The following ZNF860 variants were observed in gnomAD, a reference collection of about 807,000 sequenced individuals.
The protein encoded by ZNF860 is zinc finger protein 860.
For missense variants in ZNF860, 641 were observed against 759.2 expected, an observed-to-expected ratio of 0.84 and a Z score of 1.83; for synonymous variants, 206 against 248.9, an observed-to-expected ratio of 0.83 and a Z score of 1.62.
chr3:32,003,201 C>T, the ZNF860 span, among the ~76,000 whole-genome samples: 4 of 152,218 alleles, frequency 2.6e-5, no homozygotes, highest in Admixed American at 1.3e-4. Flanking sequence ...GTAACACTTA[C>T]ATCAGAACTT....
At position 31,990,935 on chromosome 3, in the gene ZNF860, A is replaced by G; in HGVS notation, c.1856A>G (p.Gln619Arg). The part of the protein sequence containing the change: ...RIRHQRIHTG[Q>R]KSYKCHKRGK... ...AGACATCAGAGAATCCATACCGGAC[A>G]GAAATCTTACAAATGTCATAAGCGT... Residue 619 changes from glutamine (Q) to arginine (R), a missense_variant, in exon 2 of 2, where the codon CAG (glutamine) becomes CGG (arginine). Transcript: ENST00000360311. 1.3e-6 allele frequency: 2 copies of G among 1,575,584 alleles called. No homozygotes were observed. The highest frequency in any genetic ancestry group is 1.7e-6 in the Non-Finnish European group (2 of 1,159,312).
Position 31,991,193 on chromosome 3 carries a change from C to T in ZNF860, c.*215C>T. 1 of 561,060 alleles carries T rather than the reference C, an allele frequency of 1.8e-6. No individual in the cohort carries two copies. Among genetic ancestry groups the T allele is most frequent in the Non-Finnish European group, 3.2e-6 (1 of 315,058 alleles). 34.8% of individuals were successfully genotyped at this position (561,060 alleles called of 1,614,324 possible). ...GGGCAGGGTGGCTTATACCTGTAAT[C>T]CCAGCACTGTGGGAGGTCAAGACGG... On this transcript the variant is annotated 3_prime_UTR_variant, in exon 2 of 2. Coordinates refer to ENST00000360311, the MANE Select transcript of ZNF860 (RefSeq NM_001137674.3).
chr3:31,987,021 C>T (rs1486020549), intron 1 of ZNF860, among the ~76,000 whole-genome samples: 1 of 151,878 alleles, frequency 6.6e-6, no homozygotes, highest in Non-Finnish European at 1.5e-5. Flanking sequence ...AAAACAGAAA[C>T]TAAAAAATTA....
chr3:31,996,361 C>A (rs1004709298), downstream of ZNF860, among the ~76,000 whole-genome samples: 1 of 152,156 alleles, frequency 6.6e-6, no homozygotes. Flanking sequence ...ACTCTCCCCC[C>A]CGTGCAAGGG....
In ZNF860 at chr3:31,991,217, G is replaced by A. The variant is rs1277198043; in HGVS notation, c.*239G>A. 13 of 472,420 alleles carry A rather than the reference G, an allele frequency of 2.8e-5. No individual in the cohort carries two copies. Among genetic ancestry groups the A allele is most frequent in the Non-Finnish European group, 3.1e-5 (8 of 261,370 alleles). The allele number at this position is 472,420 out of a possible 1,614,324, so 29.3% of individuals were successfully genotyped here. On this transcript the variant is annotated 3_prime_UTR_variant, in exon 2 of 2. Transcript: ENST00000360311. ...TCCCAGCACTGTGGGAGGTCAAGAC[G>A]GATAGATCACTTGAGGTCAGGAGTT...
chr3:31,999,549 A>G, the ZNF860 span, among the ~76,000 whole-genome samples: 1 of 151,876 alleles, frequency 6.6e-6, no homozygotes, highest in African/African-American at 2.4e-5. Flanking sequence ...TAGTAGAGAC[A>G]CGGTTTCTCC....
At chr3:31,994,491 A>AT (rs1381223487), downstream of ZNF860, among the ~76,000 whole-genome samples, 1 of 149,648 alleles carries the variant, frequency 6.7e-6, no homozygotes, top group South Asian at 2.1e-4. Flanking sequence ...AGGGAAAAAA[A>AT]GGATGGATGG....
Position 31,989,979 on chromosome 3 carries a change from C to T in ZNF860, c.900C>T (p.Asn300=). The change falls in exon 2 of 2, where the codon AAC becomes AAT. Residue 300 remains asparagine (N), a synonymous_variant. Coordinates refer to ENST00000360311, the MANE Select transcript of ZNF860 (RefSeq NM_001137674.3). ...GCAAGGTTTTTAATCAACAATCAAACCTTGCAAGTCATCATAGACTTCATA... is the reference window on the plus strand; with the variant it reads ...GCAAGGTTTTTAATCAACAATCAAATCTTGCAAGTCATCATAGACTTCATA... ...ECGKVFNQQS[N]LASHHRLHTG... The T allele has an allele frequency of 1.2e-6, 2 of 1,614,032 alleles. No homozygotes were observed. The highest frequency in any genetic ancestry group is 2.2e-5 in the East Asian group (1 of 44,858).
Position 31,982,349 on chromosome 3 carries a change from ACTCTCT to A in ZNF860, c.-421+453_-421+458del, listed in dbSNP as rs538597546. Among the ~76,000 whole-genome samples the A allele has an allele frequency of 2.3e-3, 349 of 152,104 alleles. 1 individual carries two copies. Among genetic ancestry groups the A allele is most frequent in the Non-Finnish European group, 3.9e-3 (268 of 67,994 alleles). On this transcript the variant is annotated intron_variant, in intron 1 of 1. Transcript: ENST00000360311. Reference sequence around the variant, plus strand: ...TAGAAAAAAGCTTTGAGGAACTCAGACTCTCTCTCTCACACACACACAGACAAAACA... The same window carrying A: ...TAGAAAAAAGCTTTGAGGAACTCAGACTCTCACACACACACAGACAAAACA...
At chr3:31,984,299 C>T (rs1344977524) in intron 1 of ZNF860, among the ~76,000 whole-genome samples, 1 of 151,624 alleles carries the variant, frequency 6.6e-6, no homozygotes, top group African/African-American at 2.4e-5. Flanking sequence ...CTCGGCCTCC[C>T]AAAGTGCTGG....
At chr3:32,000,414 C>T in the ZNF860 span, among the ~76,000 whole-genome samples, 197 of 152,262 alleles carry the variant, frequency 1.3e-3, 1 homozygote, top group African/African-American at 4.4e-3. Flanking sequence ...CCTCTCTGGG[C>T]CTCAGTCTCC....
intron 1 of ZNF860, among the ~76,000 whole-genome samples, chr3:31,988,073 T>C (rs2125517794): frequency 6.6e-6 from 1 of 152,284 alleles, no homozygotes; most frequent in Admixed American, 6.5e-5. Context: ...AATTGCAACA[T>C]TTGCCCAACT....
At position 31,990,866 on chromosome 3, in the gene ZNF860, G is replaced by C; in HGVS notation, c.1787G>C (p.Cys596Ser). ...CATATGGGAGAGAAACATCACAAGT[G>C]TGATGATTGTGGCAAAGCCTTTACT... ...RIHMGEKHHK[C>S]DDCGKAFTSH... The change falls in exon 2 of 2, where the codon TGT (cysteine) becomes TCT (serine). Residue 596 changes from cysteine (C) to serine (S), a missense_variant. By Grantham distance (112) the Cys-to-Ser change is moderately radical. Coordinates refer to ENST00000360311, the MANE Select transcript of ZNF860 (RefSeq NM_001137674.3). The C allele has an allele frequency of 6.3e-7, 1 of 1,577,792 alleles. No homozygotes were observed. The highest frequency in any genetic ancestry group is 8.6e-7 in the Non-Finnish European group (1 of 1,160,526).
chr3:31,999,990 C>T, the ZNF860 span, among the ~76,000 whole-genome samples: 12 of 152,066 alleles, frequency 7.9e-5, no homozygotes, highest in East Asian at 1.9e-4. Context: ...TCTAGTGGTG[C>T]GGCCTCAGCT....
At chr3:31,992,049 G>A (rs561321927), downstream of ZNF860, among the ~76,000 whole-genome samples, 5 of 151,762 alleles carry the variant, frequency 3.3e-5, no homozygotes, top group African/African-American at 9.7e-5. Flanking sequence ...GGGAGGCTGA[G>A]GCAGGAGAAT....
rs189069802 is a variant in ZNF860 at position 31,988,134 on chromosome 3, G to A, written c.-420-526G>A. Among the ~76,000 whole-genome samples the A allele has an allele frequency of 6.5e-4, 99 of 152,238 alleles. 1 individual carries two copies. The highest frequency in any genetic ancestry group is 2.2e-3 in the African/African-American group (93 of 41,536). On this transcript the variant is annotated intron_variant, in intron 1 of 1. Coordinates refer to ENST00000360311, the MANE Select transcript of ZNF860 (RefSeq NM_001137674.3). ...TGATCGCTTTGCACCTCCTGTTTCCGCCTCTTTGAACAAGAATATCTGGAG... is the reference window on the plus strand; with the variant it reads ...TGATCGCTTTGCACCTCCTGTTTCCACCTCTTTGAACAAGAATATCTGGAG...
Position 31,990,652 on chromosome 3 carries a change from C to T in ZNF860, c.1573C>T (p.Leu525Phe). The T allele has an allele frequency of 6.2e-7, 1 of 1,614,150 alleles. No homozygotes were observed. Among genetic ancestry groups the T allele is most frequent in the African/African-American group, 1.3e-5 (1 of 75,050 alleles). The change falls in exon 2 of 2, where the codon CTT becomes TTT. Residue 525 changes from leucine (L) to phenylalanine (F), a missense_variant. Transcript: ENST00000360311. ...CGKVFNQQAT[L>F]ARHHRLHTGE... ...CAAGGTTTTTAATCAACAAGCAACCCTTGCACGTCATCATAGACTTCATAC... is the reference window on the plus strand; with the variant it reads ...CAAGGTTTTTAATCAACAAGCAACCTTTGCACGTCATCATAGACTTCATAC...
Position 31,988,796 on chromosome 3 carries a change from C to A in ZNF860, c.-284C>A. 1 of 478,264 alleles carries A rather than the reference C, an allele frequency of 2.1e-6. No individual in the cohort carries two copies. The highest frequency in any genetic ancestry group is 3.7e-6 in the Non-Finnish European group (1 of 266,684). 29.6% of individuals were successfully genotyped at this position (478,264 alleles called of 1,614,324 possible). On this transcript the variant is annotated 5_prime_UTR_variant, in exon 2 of 2. Transcript: ENST00000360311. ...AGATTTTCTGAGACCTGCTAACAGC[C>A]ATGTGAGTGACCTTGGAAGTAGGTT...
chr3:32,000,560 A>G, the ZNF860 span, among the ~76,000 whole-genome samples: 145 of 152,318 alleles, frequency 9.5e-4, no homozygotes, highest in African/African-American at 3.4e-3. Context: ...CATTTATCTA[A>G]CACACTCTAA....
Sources: gnomAD v4.1 joint callset for allele counts (sites outside exome capture counted in the v4.1 genomes callset) on GRCh38, gnomAD v4.1.1 for gene constraint, MANE v1.5 for transcripts, NCBI Gene and HGNC (gene_info 2026-07-23, HGNC 2026-07-21) for gene names.